The following IL1RAPL2 variants were observed in gnomAD, a reference collection of about 807,000 sequenced individuals.
IL1RAPL2 encodes the protein X-linked interleukin-1 receptor accessory protein-like 2.
A neutral mutation model predicts 44.1 loss-of-function variants in IL1RAPL2; 3 were observed. The observed-to-expected ratio is 0.07, with a 90% confidence interval of 0.03 to 0.18. IL1RAPL2 has a LOEUF of 0.18. IL1RAPL2 is among the 10% of genes least tolerant of loss of function. IL1RAPL2 has a pLI of 1.00. For synonymous variants in IL1RAPL2, 181 were observed against 178.8 expected (o/e 1.01, Z -0.10); for missense variants, 391 against 496.4 (o/e 0.79, Z 2.02).
At chrX:105,159,912 G>A (rs1346699153) in intron 2 of IL1RAPL2, among the ~76,000 whole-genome samples, 2 of 109,732 alleles carry the variant, frequency 1.8e-5, no homozygotes, top group East Asian at 2.9e-4. Flanking sequence ...TTTCCTGAGA[G>A]GAAACAGATT....
At position 105,390,970 on chromosome X, in the gene IL1RAPL2, G is replaced by A. The variant is rs374830309; in HGVS notation, c.698-93343G>A. Among the ~76,000 whole-genome samples, 28 of 111,558 alleles carry A rather than the reference G, an allele frequency of 2.5e-4. No homozygotes were observed. In the South Asian group the frequency reaches 0.011, roughly 42 times the overall value. Reference sequence around the variant, plus strand: ...GGATAACCATCACAGATCTCACAATGATGCTTTACATTATAGCATGCAAAA... The same window carrying A: ...GGATAACCATCACAGATCTCACAATAATGCTTTACATTATAGCATGCAAAA... On this transcript the variant is annotated intron_variant, in intron 5 of 10. Transcript: ENST00000372582.
chrX:105,595,252 T>C (rs1221352059), intron 6 of IL1RAPL2, among the ~76,000 whole-genome samples: 4 of 112,077 alleles, frequency 3.6e-5, no homozygotes, highest in Non-Finnish European at 5.6e-5. Flanking sequence ...GTAGGATGTA[T>C]TTAGTTGAAA....
rs765369806 is a variant in IL1RAPL2, at chrX:104,605,167, C to T, written c.-20+38116C>T. ...TTAGAACTCAAGATTAAGAAACTCA[C>T]TCAAAACCACACAACTATATGAAAA... On this transcript the variant is annotated intron_variant, in intron 1 of 10. Transcript: ENST00000372582. Among the ~76,000 whole-genome samples the T allele has an allele frequency of 1.1e-4, 12 of 112,061 alleles. No homozygotes were observed. The Middle Eastern group carries it at 0.014, about 129-fold the overall frequency.
chrX:104,795,575 T>A (rs941077783), intron 2 of IL1RAPL2, among the ~76,000 whole-genome samples: 3 of 111,247 alleles, frequency 2.7e-5, no homozygotes, highest in African/African-American at 9.8e-5. Flanking sequence ...GGGGCAACTG[T>A]AGCTTTTTAG....
chrX:105,336,016 C>G (rs1231000796), intron 5 of IL1RAPL2, among the ~76,000 whole-genome samples: 2 of 112,028 alleles, frequency 1.8e-5, no homozygotes, highest in Non-Finnish European at 3.8e-5. Flanking sequence ...AAATGTTTCT[C>G]ATTTGAAACT....
At chrX:105,334,405 C>T (rs2035012207) in intron 5 of IL1RAPL2, among the ~76,000 whole-genome samples, 1 of 31,130 alleles carries the variant, frequency 3.2e-5, no homozygotes, top group Non-Finnish European at 7.6e-4. Context: ...TTAATGGGTA[C>T]AAAAATAATA....
chrX:105,347,216 G>C (rs757126970), intron 5 of IL1RAPL2, among the ~76,000 whole-genome samples: 3 of 111,912 alleles, frequency 2.7e-5, no homozygotes, highest in Non-Finnish European at 5.6e-5. Flanking sequence ...TCTGACTCTT[G>C]AACCAACTGT....
chrX:105,742,339 A>T (rs2060402993), intron 8 of IL1RAPL2, among the ~76,000 whole-genome samples: 1 of 111,473 alleles, frequency 9.0e-6, no homozygotes, highest in South Asian at 3.8e-4. Context: ...AACATTTTTT[A>T]AAATTCCGCA....
chrX:105,090,954 G>A (rs1054844348), intron 2 of IL1RAPL2, among the ~76,000 whole-genome samples: 10 of 111,555 alleles, frequency 9.0e-5, no homozygotes, highest in African/African-American at 2.9e-4. Flanking sequence ...GATCCAGCTG[G>A]CCCTAGATAC....
At chrX:105,538,198 G>A (rs113885582) in intron 6 of IL1RAPL2, among the ~76,000 whole-genome samples, 1 of 108,293 alleles carries the variant, frequency 9.2e-6, no homozygotes. Flanking sequence ...CACCACGCCC[G>A]GCTAATTTTT....
chrX:105,354,874 G>T (rs1046376099), intron 5 of IL1RAPL2, among the ~76,000 whole-genome samples: 1 of 110,983 alleles, frequency 9.0e-6, no homozygotes, highest in Non-Finnish European at 1.9e-5. Flanking sequence ...ACCTGTCATC[G>T]TCTGTGGACT....
chrX:104,734,292 T>A (rs1343892455), intron 2 of IL1RAPL2, among the ~76,000 whole-genome samples: 1 of 112,275 alleles, frequency 8.9e-6, no homozygotes, highest in Non-Finnish European at 1.9e-5. Context: ...GCAATTGCGC[T>A]TTTGGGCATT....
chrX:104,869,521 T>C (rs1569330197), intron 2 of IL1RAPL2, among the ~76,000 whole-genome samples: 1 of 112,117 alleles, frequency 8.9e-6, no homozygotes, highest in East Asian at 2.8e-4. Flanking sequence ...AATTCTTTTT[T>C]TGCTTTGTCT....
At chrX:104,774,280 A>T (rs1160110598) in intron 2 of IL1RAPL2, among the ~76,000 whole-genome samples, 1 of 111,681 alleles carries the variant, frequency 9.0e-6, no homozygotes, top group Non-Finnish European at 1.9e-5. Flanking sequence ...ACTCTGCTCT[A>T]TTGTGTCAAT....
intron 5 of IL1RAPL2, among the ~76,000 whole-genome samples, chrX:105,369,287 T>C (rs755406624): frequency 9.0e-6 from 1 of 111,544 alleles, no homozygotes. Context: ...CTTATTAGAC[T>C]GGTCTCATGG....
intron 1 of IL1RAPL2, among the ~76,000 whole-genome samples, chrX:104,651,752 G>A (rs1170712209): frequency 9.0e-6 from 1 of 111,157 alleles, no homozygotes; most frequent in Non-Finnish European, 1.9e-5. Flanking sequence ...TAAATTGGGG[G>A]GTAAGACAGA....
At chrX:104,873,015 T>C (rs1477647727) in intron 2 of IL1RAPL2, among the ~76,000 whole-genome samples, 1 of 111,904 alleles carries the variant, frequency 8.9e-6, no homozygotes, top group African/African-American at 3.2e-5. Flanking sequence ...TAATTGCGTA[T>C]GTGTATATAG....
At chrX:105,062,038 T>C (rs1193655960) in intron 2 of IL1RAPL2, among the ~76,000 whole-genome samples, 1 of 111,881 alleles carries the variant, frequency 8.9e-6, no homozygotes, top group Non-Finnish European at 1.9e-5. Context: ...TTGTTATTGA[T>C]AGGTAAGGAC....
At chrX:104,714,583 C>A (rs952817923) in intron 2 of IL1RAPL2, among the ~76,000 whole-genome samples, 2 of 111,386 alleles carry the variant, frequency 1.8e-5, no homozygotes, top group Non-Finnish European at 3.8e-5. Flanking sequence ...ATCAATTCAA[C>A]CTCTTTTCTT....
Sources: allele counts gnomAD v4.1 joint callset (sites outside exome capture counted in the v4.1 genomes callset), GRCh38; gene constraint gnomAD v4.1.1; transcripts MANE v1.5; gene names NCBI Gene and HGNC (gene_info 2026-07-23, HGNC 2026-07-21).